CACNA1C: variants seen among roughly 807,000 people sequenced by gnomAD.
The protein encoded by CACNA1C is voltage-dependent L-type calcium channel subunit alpha-1C.
Under a neutral mutation model 229.0 loss-of-function variants are expected in CACNA1C, and 30 were observed. That is an observed-to-expected ratio of 0.13 (90% CI 0.10 to 0.18). CACNA1C has a LOEUF of 0.18. Among genes scored for constraint, CACNA1C ranks in the 10% least tolerant of loss-of-function variants. The pLI is 1.00. For missense variants in CACNA1C, 1,658 were observed against 2,845.0 expected, an observed-to-expected ratio of 0.58 and a Z score of 9.49; for synonymous variants, 1,114 against 1,132.5, an observed-to-expected ratio of 0.98 and a Z score of 0.33.
intron 9 of CACNA1C, among the ~76,000 whole-genome samples, chr12:2,545,055 T>TCCACCC (rs1256071249): frequency 6.6e-6 from 1 of 152,182 alleles, no homozygotes; most frequent in Admixed American, 6.5e-5. Flanking sequence ...AAGTTTGGCT[T>TCCACCC]TGGGAAGTGC....
At chr12:2,226,877 G>T (rs1035661099) in intron 3 of CACNA1C, among the ~76,000 whole-genome samples, 1 of 152,226 alleles carries the variant, frequency 6.6e-6, no homozygotes, top group Non-Finnish European at 1.5e-5. Flanking sequence ...CTTTTCTAAT[G>T]AATGCGCTGG....
At chr12:2,211,870 C>G (rs368417782) in intron 3 of CACNA1C, among the ~76,000 whole-genome samples, 4 of 152,058 alleles carry the variant, frequency 2.6e-5, no homozygotes, top group African/African-American at 7.2e-5. Context: ...AGGCGCCCAC[C>G]ACCACTCCCG....
At chr12:2,690,220 T>C (rs2097746837) in intron 46 of CACNA1C, 1 of 152,574 alleles carries the variant, frequency 6.6e-6, no homozygotes, top group South Asian at 2.1e-4. Context: ...TCTGAAAGAA[T>C]AGTATAAAGG....
chr12:2,145,106 A>C (rs143077906), intron 3 of CACNA1C, among the ~76,000 whole-genome samples: 2,049 of 151,422 alleles, frequency 0.014, 120 homozygotes, highest in Non-Finnish European at 0.023. Flanking sequence ...TGTTGGTGAG[A>C]TGCTGAGCTG....
At chr12:2,417,008 G>A in intron 3 of CACNA1C, among the ~76,000 whole-genome samples, 1 of 152,186 alleles carries the variant, frequency 6.6e-6, no homozygotes, top group East Asian at 1.9e-4. Context: ...CCCTGTTGTG[G>A]AAAGTCTTGT....
At chr12:2,469,636 G>A (rs367598347) in intron 5 of CACNA1C, among the ~76,000 whole-genome samples, 1 of 152,154 alleles carries the variant, frequency 6.6e-6, no homozygotes, top group East Asian at 1.9e-4. Flanking sequence ...ATGGAAAAGC[G>A]CTGAACTCAG....
intron 5 of CACNA1C, among the ~76,000 whole-genome samples, chr12:2,483,715 C>G (rs763739286): frequency 1.1e-4 from 16 of 151,962 alleles, no homozygotes; most frequent in Non-Finnish European, 2.2e-4. Context: ...GTGGCGTGAC[C>G]CCCAGCCTGG....
intron 1 of CACNA1C, among the ~76,000 whole-genome samples, chr12:2,091,969 G>A (rs959978919): frequency 6.6e-6 from 1 of 152,180 alleles, no homozygotes; most frequent in African/African-American, 2.4e-5. Context: ...TAAAGGAGGT[G>A]GGTGGGCCAG....
At chr12:2,227,397 C>CA (rs2063336360) in intron 3 of CACNA1C, among the ~76,000 whole-genome samples, 1 of 152,186 alleles carries the variant, frequency 6.6e-6, no homozygotes, top group Non-Finnish European at 1.5e-5. Context: ...ATCTCTATAC[C>CA]ACCTTTGACT....
chr12:2,514,220 G>A (rs1291648011), intron 9 of CACNA1C, among the ~76,000 whole-genome samples: 3 of 152,208 alleles, frequency 2.0e-5, no homozygotes, highest in African/African-American at 7.2e-5. Flanking sequence ...ACAGGTGCAG[G>A]AAGAAAGGAC....
intron 5 of CACNA1C, among the ~76,000 whole-genome samples, chr12:2,485,381 G>C (rs2099693729): frequency 6.6e-6 from 1 of 152,092 alleles, no homozygotes; most frequent in South Asian, 2.1e-4. Flanking sequence ...CCCTTTAAAT[G>C]AATGCCATCC....
intron 37 of CACNA1C, among the ~76,000 whole-genome samples, chr12:2,667,241 AGT>A (rs1303908312): frequency 2.6e-5 from 4 of 152,202 alleles, no homozygotes; most frequent in Non-Finnish European, 5.9e-5. Context: ...CCAAAAAAAA[AGT>A]GTCGTTTCCT....
rs575735471 is a variant in CACNA1C, at chr12:2,281,309, C to T, written c.477+160879C>T. 2.0e-5 allele frequency among the ~76,000 whole-genome samples: 3 copies of T among 152,268 alleles called. No homozygotes were observed. In the South Asian group the frequency reaches 6.2e-4, roughly 32 times the overall value. ...TACATTGTTACTATTTTTGTTTAGG[C>T]AGTCAATGATCTTTTCAATGAAAAT... On this transcript the variant is annotated intron_variant, in intron 3 of 46. Coordinates refer to ENST00000399655, the MANE Select transcript of CACNA1C (RefSeq NM_000719.7).
rs74746583 is a variant in CACNA1C, at chr12:2,478,277, G to T, written c.758-7827G>T. ...ATCACTGAGGATAACCCCCATGCAG[G>T]CAAAACTCCAGTCACTGCTTGAGAG... On this transcript the variant is annotated intron_variant, in intron 5 of 46. Coordinates refer to ENST00000399655, the MANE Select transcript of CACNA1C (RefSeq NM_000719.7). Among the ~76,000 whole-genome samples, 536 of 152,224 alleles carry T rather than the reference G, an allele frequency of 3.5e-3. 3 individuals carry two copies. Among genetic ancestry groups the T allele is most frequent in the Non-Finnish European group, 6.7e-3 (453 of 68,012 alleles).
chr12:2,651,532 C>T lies in CACNA1C; in HGVS notation c.3946-108C>T, dbSNP rs373808544. 157 of 1,559,666 alleles carry T rather than the reference C, an allele frequency of 1.0e-4. No homozygotes were observed. The highest frequency in any genetic ancestry group is 8.4e-4 in the Middle Eastern group (5 of 5,928). On this transcript the variant is annotated intron_variant, in intron 31 of 46. Coordinates refer to ENST00000399655, the MANE Select transcript of CACNA1C (RefSeq NM_000719.7). The surrounding 1 kb of genome is among the most constrained non-coding windows in gnomAD (Gnocchi z 5.4). ...GGAAGTCTAGTGCAGCAAACCCTGG[C>T]CTGCCTTCCGCCACTGCCACTGAGG...
At chr12:1,997,931 T>A (rs1436120413) in intron 1 of CACNA1C, 1 of 1,605,016 alleles carries the variant, frequency 6.2e-7, no homozygotes. Flanking sequence ...TGAAACACTC[T>A]TACCTTGTAT....
At chr12:2,433,015 A>G (rs1439655572) in intron 3 of CACNA1C, among the ~76,000 whole-genome samples, 2 of 152,216 alleles carry the variant, frequency 1.3e-5, no homozygotes, top group Non-Finnish European at 2.9e-5. Flanking sequence ...CCCCTTCCAC[A>G]GCAACCCATG....
intron 3 of CACNA1C, among the ~76,000 whole-genome samples, chr12:2,257,335 A>G (rs562263982): frequency 6.6e-6 from 1 of 152,306 alleles, no homozygotes; most frequent in South Asian, 2.1e-4. Flanking sequence ...CTTCTCTAGC[A>G]CAGCGGTCTC....
chr12:2,378,826 CTTTCCTTCTTTT>C (rs1435659325), intron 3 of CACNA1C, among the ~76,000 whole-genome samples: 5 of 151,816 alleles, frequency 3.3e-5, no homozygotes, highest in African/African-American at 9.7e-5. Flanking sequence ...TCCTCTCTCT[CTTTCCTTCTTTT>C]TTTCTTTCCT....
Sources: gnomAD v4.1 joint callset for allele counts (sites outside exome capture counted in the v4.1 genomes callset) on GRCh38, gnomAD v4.1.1 for gene constraint, Gnocchi (gnomAD v3.1) non-coding constraint, MANE v1.5 for transcripts, NCBI Gene and HGNC (gene_info 2026-07-23, HGNC 2026-07-21) for gene names.